The following ZNF804A variants were observed in gnomAD, a reference collection of about 807,000 sequenced individuals.
The protein encoded by ZNF804A is zinc finger protein 804A.
A neutral mutation model predicts 16.5 loss-of-function variants in ZNF804A; 2 were observed. The observed-to-expected ratio is 0.12, with a 90% CI of 0.05 to 0.38. ZNF804A has a LOEUF of 0.38. ZNF804A is among the 10% of genes least tolerant of loss of function. The probability of loss-of-function intolerance (pLI) is 0.99; values close to 1 mark genes in which losing one functional copy is unlikely to be tolerated. For synonymous variants in ZNF804A, 534 were observed against 489.6 expected, an observed-to-expected ratio of 1.09 and a Z score of -1.20; for missense variants, 1,473 against 1,390.7, an observed-to-expected ratio of 1.06 and a Z score of -0.94.
At chr2:184,701,998 A>C (rs559132838) in intron 1 of ZNF804A, among the ~76,000 whole-genome samples, 52 of 152,128 alleles carry the variant, frequency 3.4e-4, no homozygotes, top group African/African-American at 1.2e-3. Context: ...TGAAGTAATT[A>C]TAGGTCTTTG....
intron 1 of ZNF804A, among the ~76,000 whole-genome samples, chr2:184,860,865 T>C (rs1178647984): frequency 6.6e-6 from 1 of 152,214 alleles, no homozygotes; most frequent in Non-Finnish European, 1.5e-5. Flanking sequence ...CCAAGCTCAG[T>C]GCTGGCGCAT....
At chr2:184,610,944 A>G (rs531669527) in intron 1 of ZNF804A, among the ~76,000 whole-genome samples, 1 of 152,326 alleles carries the variant, frequency 6.6e-6, no homozygotes, top group African/African-American at 2.4e-5. Context: ...GAACCATGTC[A>G]ACATTTCCTT....
intron 1 of ZNF804A, among the ~76,000 whole-genome samples, chr2:184,798,672 C>T (rs1186878622): frequency 1.3e-5 from 2 of 152,156 alleles, no homozygotes; most frequent in African/African-American, 4.8e-5. Context: ...CATTGGGCTT[C>T]ACCTTTCTCT....
At chr2:184,676,824 TG>T (rs971392045) in intron 1 of ZNF804A, among the ~76,000 whole-genome samples, 16 of 151,786 alleles carry the variant, frequency 1.1e-4, no homozygotes, top group Admixed American at 9.2e-4. Context: ...ACTTCTGAAG[TG>T]GACTATGTTC....
At chr2:184,607,936 C>CTTT (rs34262998) in intron 1 of ZNF804A, among the ~76,000 whole-genome samples, 21,427 of 65,552 alleles carry the variant, frequency 0.33, 8,578 homozygotes, top group Admixed American at 0.4. Flanking sequence ...TGATGCATCT[C>CTTT]TTTTTTTTTT....
chr2:184,694,985 A>C (rs1692803952), intron 1 of ZNF804A, among the ~76,000 whole-genome samples: 1 of 152,188 alleles, frequency 6.6e-6, no homozygotes, highest in African/African-American at 2.4e-5. Context: ...ACTTCACTCA[A>C]TTATTCACTG....
intron 2 of ZNF804A, among the ~76,000 whole-genome samples, chr2:184,887,126 C>A (rs887166898): frequency 7.2e-5 from 11 of 152,188 alleles, no homozygotes; most frequent in African/African-American, 2.7e-4. Context: ...TTACAAATTT[C>A]TTCTGCCACA....
intron 1 of ZNF804A, among the ~76,000 whole-genome samples, chr2:184,632,276 TTA>T: frequency 6.6e-6 from 1 of 152,302 alleles, no homozygotes; most frequent in East Asian, 1.9e-4. Context: ...TTATATTATT[TTA>T]TGTTTTCAAT....
At chr2:184,805,726 A>T (rs898266854) in intron 1 of ZNF804A, among the ~76,000 whole-genome samples, 2 of 152,030 alleles carry the variant, frequency 1.3e-5, no homozygotes, top group African/African-American at 4.8e-5. Flanking sequence ...TTAGCAATTG[A>T]ACTAAGGAAA....
At chr2:184,657,784 A>G (rs891201080) in intron 1 of ZNF804A, among the ~76,000 whole-genome samples, 5 of 152,318 alleles carry the variant, frequency 3.3e-5, no homozygotes, top group East Asian at 3.9e-4. Flanking sequence ...TTTTATAAGC[A>G]ATTGGACTAT....
chr2:184,858,276 G>T (rs543776368), intron 1 of ZNF804A, among the ~76,000 whole-genome samples: 21 of 151,928 alleles, frequency 1.4e-4, no homozygotes, highest in Non-Finnish European at 2.6e-4. Flanking sequence ...GGCCGAGGCA[G>T]GTGGATCACC....
At chr2:184,616,921 G>C (rs359875) in intron 1 of ZNF804A, among the ~76,000 whole-genome samples, 1 of 152,138 alleles carries the variant, frequency 6.6e-6, no homozygotes, top group Non-Finnish European at 1.5e-5. Flanking sequence ...TTTGGCTTCA[G>C]TGGACATGTT....
chr2:184,785,414 A>G (rs575243643), intron 1 of ZNF804A, among the ~76,000 whole-genome samples: 3 of 152,180 alleles, frequency 2.0e-5, no homozygotes, highest in South Asian at 2.1e-4. Flanking sequence ...ATAATGTGCC[A>G]TGAATAACTA....
chr2:184,758,481 T>A (rs1016181043), intron 1 of ZNF804A, among the ~76,000 whole-genome samples: 1 of 151,982 alleles, frequency 6.6e-6, no homozygotes, highest in African/African-American at 2.4e-5. Flanking sequence ...GCAAGGAGAC[T>A]AAGGCATAGT....
rs146543071 is a variant in ZNF804A at position 184,863,047 on chromosome 2, A to G, written c.112-3322A>G. ...GAAGACATTTAAAAATTATTTGAGT[A>G]AGATGAAAGGGTATGAGATGGGATA... On this transcript the variant is annotated intron_variant, in intron 1 of 3. Coordinates refer to ENST00000302277, the MANE Select transcript of ZNF804A (RefSeq NM_194250.2). Among the ~76,000 whole-genome samples the G allele has an allele frequency of 2.1e-3, 324 of 152,282 alleles. 1 individual carries two copies. Among genetic ancestry groups the G allele is most frequent in the Middle Eastern group, 6.8e-3 (2 of 294 alleles).
chr2:184,823,452 A>C (rs962020105), intron 1 of ZNF804A, among the ~76,000 whole-genome samples: 1 of 152,112 alleles, frequency 6.6e-6, no homozygotes, highest in Non-Finnish European at 1.5e-5. Context: ...GGAGTTTCTG[A>C]TCATTTGTTA....
At chr2:184,892,915 A>G (rs577223715) in intron 2 of ZNF804A, among the ~76,000 whole-genome samples, 3 of 152,168 alleles carry the variant, frequency 2.0e-5, no homozygotes, top group Non-Finnish European at 4.4e-5. Flanking sequence ...CTGTGTTATA[A>G]TCAATATTGA....
chr2:184,937,586 A>C lies in ZNF804A; in HGVS notation c.2190A>C (p.Ser730=), dbSNP rs753765788. 6.2e-7 allele frequency: 1 copy of C among 1,612,764 alleles called. No individual in the cohort carries two copies. Among genetic ancestry groups the C allele is most frequent in the South Asian group, 1.1e-5 (1 of 90,968 alleles). The change falls in exon 4 of 4, where the codon TCA becomes TCC. Residue 730 remains serine, a synonymous_variant. Transcript: ENST00000302277. The part of the protein sequence containing the change: ...RTYCCWKTKM[S]SCSQDHRSLV... ...ACTGTTGTTGGAAAACCAAAATGTCAAGCTGTAGTCAGGATCACAGAAGCT... is the reference window on the plus strand; with the variant it reads ...ACTGTTGTTGGAAAACCAAAATGTCCAGCTGTAGTCAGGATCACAGAAGCT...
intron 2 of ZNF804A, among the ~76,000 whole-genome samples, chr2:184,878,593 A>T (rs1301065499): frequency 6.6e-6 from 1 of 152,082 alleles, no homozygotes; most frequent in African/African-American, 2.4e-5. Context: ...GAAGATACTT[A>T]GCAGTTATCT....
Sources: gnomAD v4.1 joint callset for allele counts (sites outside exome capture counted in the v4.1 genomes callset) on GRCh38, gnomAD v4.1.1 for gene constraint, MANE v1.5 for transcripts, NCBI Gene and HGNC (gene_info 2026-07-23, HGNC 2026-07-21) for gene names.